Variants in POTEE observed in about 807,000 individuals in gnomAD.
POTEE encodes the protein ANKRD26-like family C member 1A.
A neutral mutation model predicts 74.2 loss-of-function variants in POTEE; 21 were observed. That is an observed-to-expected ratio of 0.28 (90% CI 0.20 to 0.41). The LOEUF (loss-of-function observed/expected upper bound fraction) is 0.41. Ranked by LOEUF, POTEE falls within the 10% of genes least tolerant of loss-of-function variation. The pLI, the probability that POTEE is intolerant of heterozygous loss-of-function variation, is 1.00. For missense variants in POTEE, 525 were observed against 1,158.6 expected (o/e 0.45, Z 7.94); for synonymous variants, 211 against 432.8 (o/e 0.49, Z 6.36).
At chr2:131,212,239 C>T (rs1442320720) in intron 2 of POTEE, among the ~76,000 whole-genome samples, 1 of 151,942 alleles carries the variant, frequency 6.6e-6, no homozygotes, top group African/African-American at 2.4e-5. Context: ...TGTTAAACCA[C>T]TTATGCCTAG....
chr2:131,262,217 A>G (rs62178366), intron 17 of POTEE, among the ~76,000 whole-genome samples: 50,186 of 88,776 alleles, frequency 0.57, 15,583 homozygotes, highest in Non-Finnish European at 0.76. Flanking sequence ...ATTTTTACTG[A>G]TAAGAAAGTA....
chr2:131,220,573 A>G (rs1053648456), intron 4 of POTEE, among the ~76,000 whole-genome samples: 5 of 152,128 alleles, frequency 3.3e-5, no homozygotes, highest in African/African-American at 1.2e-4. Context: ...CATATCTACC[A>G]GTGACCTATG....
chr2:131,235,878 A>G (rs1479959292), intron 9 of POTEE, among the ~76,000 whole-genome samples: 1 of 152,014 alleles, frequency 6.6e-6, no homozygotes, highest in Admixed American at 6.6e-5. Context: ...TTGGGAAGAC[A>G]TTGTACACTA....
In POTEE at chr2:131,211,541, G is replaced by GTGTGTGTGTGTGTGTGTGTGGT. The variant is rs1700358185; in HGVS notation, c.-189+358_-189+359insTGTGTGTGTGTGTGTGTGTGGT. 2.6e-4 allele frequency among the ~76,000 whole-genome samples: 2 copies of GTGTGTGTGTGTGTGTGTGTGGT among 7,552 alleles called. 1 individual carries two copies. Among genetic ancestry groups the GTGTGTGTGTGTGTGTGTGTGGT allele is most frequent in the African/African-American group, 4.9e-4 (2 of 4,044 alleles). The allele number at this position is 7,552 out of a possible 152,430, so 5.0% of individuals were successfully genotyped here. A position where few individuals can be genotyped will look rare whatever the true frequency, so the allele number is the denominator to read the frequency against. ...GTGACTGTGTGTGTGTGTGTGTGTG[G>GTGTGTGTGTGTGTGTGTGTGGT]CTTTTTTTTTTTTTTTTTTTTTTTT... On this transcript the variant is annotated intron_variant, in intron 2 of 17. Transcript: ENST00000683005.
intron 16 of POTEE, among the ~76,000 whole-genome samples, chr2:131,260,154 T>C (rs1701667475): frequency 6.8e-6 from 1 of 147,058 alleles, no homozygotes; most frequent in African/African-American, 2.7e-5. Flanking sequence ...CTGAGTTGTC[T>C]GTTCTGTTCC....
At position 131,218,841 on chromosome 2, in the gene POTEE, G is replaced by T; in HGVS notation, c.439G>T (p.Ala147Ser). The change falls in exon 4 of 18, where the codon GCC becomes TCC. Residue 147 changes from alanine to serine, a missense_variant. Coordinates refer to ENST00000683005, the MANE Select transcript of POTEE (RefSeq NM_001083538.3). Reference sequence around the variant, plus strand: ...AGATCTGGACAAGCTCCACAGAGCTGCCTGGTGGGGTAAAGTCCCCAGAAA... The same window carrying T: ...AGATCTGGACAAGCTCCACAGAGCTTCCTGGTGGGGTAAAGTCCCCAGAAA... ...GEDLDKLHRA[A>S]WWGKVPRKDL... The T allele has an allele frequency of 1.2e-6, 2 of 1,612,526 alleles. No homozygotes were observed. Among genetic ancestry groups the T allele is most frequent in the Non-Finnish European group, 8.5e-7 (1 of 1,179,888 alleles).
intron 9 of POTEE, among the ~76,000 whole-genome samples, chr2:131,231,709 C>A (rs1700966305): frequency 6.6e-6 from 1 of 151,944 alleles, no homozygotes; most frequent in Non-Finnish European, 1.5e-5. Context: ...GCTCTGCTAC[C>A]ATTTGCCAAA....
intron 2 of POTEE, among the ~76,000 whole-genome samples, chr2:131,211,782 A>C (rs1386023167): frequency 6.6e-6 from 1 of 150,726 alleles, no homozygotes; most frequent in Non-Finnish European, 1.5e-5. Flanking sequence ...GGTCTAGATC[A>C]CCTGACCTCA....
At chr2:131,253,302 G>A (rs1192421018) in intron 16 of POTEE, among the ~76,000 whole-genome samples, 2 of 150,980 alleles carry the variant, frequency 1.3e-5, no homozygotes, top group Non-Finnish European at 2.9e-5. Context: ...AACCAGTATT[G>A]GCAAATGTGA....
intron 1 of POTEE, among the ~76,000 whole-genome samples, chr2:131,210,626 A>T (rs1424539971): frequency 7.3e-5 from 11 of 151,258 alleles, no homozygotes; most frequent in Admixed American, 3.9e-4. Context: ...TCCCGCCCAC[A>T]CCCCATGCTC....
At chr2:131,220,981 A>G (rs1445950194) in intron 4 of POTEE, among the ~76,000 whole-genome samples, 5 of 151,988 alleles carry the variant, frequency 3.3e-5, no homozygotes, top group African/African-American at 7.2e-5. Context: ...AAAGAAAAAA[A>G]AAAAGGAATG....
At chr2:131,230,995 T>A (rs1205999087) in intron 9 of POTEE, 89 bp downstream of exon 9, 6 of 1,324,628 alleles carry the variant, frequency 4.5e-6, no homozygotes, top group Middle Eastern at 2.6e-4. Context: ...AATTTTTCCA[T>A]GGGCTGGGGG....
In POTEE at chr2:131,223,376, A is replaced by G. The variant is rs371210949; in HGVS notation, c.522-220A>G. Among the ~76,000 whole-genome samples, 11 of 149,460 alleles carry G rather than the reference A, an allele frequency of 7.4e-5. No homozygotes were observed. The East Asian group carries it at 1.4e-3, about 18-fold the overall frequency. On this transcript the variant is annotated intron_variant, in intron 4 of 17. Transcript: ENST00000683005. The stretch of plus-strand genomic sequence containing the variant: ...AGGATTCCAGCCCACGTTGAATGTC[A>G]TCCAAGGGCTATGCTCTTTATATTT...
chr2:131,212,764 A>G (rs573524853), intron 2 of POTEE, among the ~76,000 whole-genome samples: 451 of 149,736 alleles, frequency 3.0e-3, no homozygotes, highest in African/African-American at 0.011. Flanking sequence ...GGTTTTCTCT[A>G]TGTTGGTCAG....
intron 4 of POTEE, among the ~76,000 whole-genome samples, chr2:131,221,706 C>G (rs1158694375): frequency 6.6e-6 from 1 of 152,152 alleles, no homozygotes; most frequent in Non-Finnish European, 1.5e-5. Flanking sequence ...CATTTTATTA[C>G]ATAATTATCT....
chr2:131,220,996 A>G (rs1700600309), intron 4 of POTEE, among the ~76,000 whole-genome samples: 1 of 151,926 alleles, frequency 6.6e-6, no homozygotes, highest in Non-Finnish European at 1.5e-5. Context: ...GGAATGAAAT[A>G]CTGTTTTCTG....
Position 131,218,344 on chromosome 2 carries a change from A to G in POTEE, c.-59A>G, listed in dbSNP as rs1700497991. The G allele has an allele frequency of 6.2e-7, 1 of 1,604,592 alleles. No individual in the cohort carries two copies. The highest frequency in any genetic ancestry group is 8.5e-7 in the Non-Finnish European group (1 of 1,175,206). Reference sequence around the variant, plus strand: ...CCGGAGTTACCTGCTAGTTGGTGAAACTGGTTGGTAGACGCGATCTGTTGG... The same window carrying G: ...CCGGAGTTACCTGCTAGTTGGTGAAGCTGGTTGGTAGACGCGATCTGTTGG... On this transcript the variant is annotated 5_prime_UTR_variant, in exon 4 of 18. Transcript: ENST00000683005.
In POTEE at chr2:131,218,599, A is replaced by G. The variant is rs755960053; in HGVS notation, c.197A>G (p.His66Arg). The change falls in exon 4 of 18, where the codon CAC (histidine) becomes CGC (arginine). Residue 66 changes from histidine (H) to arginine (R), a missense_variant. By Grantham distance (29) the His-to-Arg change is conservative. Transcript: ENST00000683005. The part of the protein sequence containing the change: ...TLRSKMGKWC[H>R]HCFPCCRGSG... ...AGGAGCAAGATGGGCAAGTGGTGCC[A>G]CCACTGCTTCCCCTGCTGCAGGGGG... 181 of 1,605,422 alleles carry G rather than the reference A, an allele frequency of 1.1e-4. 1 individual carries two copies. The highest frequency in any genetic ancestry group is 3.6e-5 in the Non-Finnish European group (42 of 1,177,906).
At chr2:131,221,538 G>A (rs1403224701) in intron 4 of POTEE, among the ~76,000 whole-genome samples, 1 of 152,048 alleles carries the variant, frequency 6.6e-6, no homozygotes, top group African/African-American at 2.4e-5. Context: ...AATAATCCTT[G>A]GGAAGAGAAG....
Sources: gnomAD v4.1 joint callset for allele counts (sites outside exome capture counted in the v4.1 genomes callset) on GRCh38, gnomAD v4.1.1 for gene constraint, MANE v1.5 for transcripts, NCBI Gene and HGNC (gene_info 2026-07-23, HGNC 2026-07-21) for gene names.